The following TEPSIN variants were observed in gnomAD, a reference collection of about 807,000 sequenced individuals.
The protein encoded by TEPSIN is TEPSIN adaptor related protein complex 4 accessory protein, also known as AP-4 complex accessory subunit tepsin.
A neutral mutation model predicts 48.5 loss-of-function variants in TEPSIN; 50 were observed. The ratio of observed to expected loss-of-function variants is 1.03; its 90% CI spans 0.82 to 1.31. The LOEUF is 1.31. TEPSIN is among the 50% of genes most tolerant of loss of function. The pLI, the probability that TEPSIN is intolerant of heterozygous loss-of-function variation, is 0.00. For missense variants in TEPSIN, 838 were observed against 815.9 expected (o/e 1.03, Z -0.33); for synonymous variants, 392 against 358.8 (o/e 1.09, Z -1.05).
rs771245458 is a variant in TEPSIN at position 81,237,021 on chromosome 17, G to A, written c.172C>T (p.Leu58=). ...CCGGAGCTGCTGTGCAGGCGGCTCA[G>A]GAGGTACTCCAGCAGGCACTGGCTG... is the stretch of plus-strand genomic sequence containing the variant. ...GSSQCLLEYL[L]SRLHSSSGHG... The change falls in exon 3 of 13, where the codon CTG becomes TTG. Residue 58 remains leucine (L), a synonymous_variant. Transcript: ENST00000637944. 3 of 1,597,994 alleles carry A rather than the reference G, an allele frequency of 1.9e-6. No homozygotes were observed. The Admixed American group carries it at 5.1e-5, about 27-fold the overall frequency.
rs1324582660 is a variant in TEPSIN, at chr17:81,233,170, C to T, written c.526+262G>A. 1.8e-6 allele frequency: 1 copy of T among 562,040 alleles called. No individual in the cohort carries two copies. The highest frequency in any genetic ancestry group is 3.1e-5 in the East Asian group (1 of 32,384). 34.8% of individuals were successfully genotyped at this position (562,040 alleles called of 1,614,324 possible). On this transcript the variant is annotated intron_variant, in intron 7 of 12. Coordinates refer to ENST00000637944, the MANE Select transcript of TEPSIN (RefSeq NM_001363764.2). This position sits in a 1 kb window ranked among gnomAD's most constrained non-coding sequence, Gnocchi z 5.8. ...GGCCCCTCTCAGAGTGGGACTCACC[C>T]CTGCCACGGGGCCCAGCCCTGACTT...
Position 81,233,257 on chromosome 17 carries a change from CCCA to C in TEPSIN, c.526+172_526+174del. ...CAGCCCTGGCCACACCTGCCCCACC[CCCA>C]CGTCAGCAGCCAGAGAGAGACAGTG... On this transcript the variant is annotated intron_variant, in intron 7 of 12. Coordinates refer to ENST00000637944, the MANE Select transcript of TEPSIN (RefSeq NM_001363764.2). This position sits in a 1 kb window ranked among gnomAD's most constrained non-coding sequence, Gnocchi z 5.8. 1.3e-6 allele frequency: 1 copy of C among 753,290 alleles called. No individual in the cohort carries two copies. Among genetic ancestry groups the C allele is most frequent in the Non-Finnish European group, 2.1e-6 (1 of 477,304 alleles). The allele number at this position is 753,290 out of a possible 1,614,324, so 46.7% of individuals were successfully genotyped here. A position where few individuals can be genotyped will look rare whatever the true frequency, so the allele number is the denominator to read the frequency against.
chr17:81,234,071 C>T lies in TEPSIN; in HGVS notation c.308-23G>A, dbSNP rs564410667. The stretch of plus-strand genomic sequence containing the variant: ...AAGCTGCAGAACAGAAAAGGCAAGT[C>T]GGGGGCAGGGCTGAGCCTGGCACCG... On this transcript the variant is annotated intron_variant, in intron 4 of 12. Coordinates refer to ENST00000637944, the MANE Select transcript of TEPSIN (RefSeq NM_001363764.2). This position sits in a 1 kb window ranked among gnomAD's most constrained non-coding sequence, Gnocchi z 5.4. 74 of 1,570,480 alleles carry T rather than the reference C, an allele frequency of 4.7e-5. No homozygotes were observed. The highest frequency in any genetic ancestry group is 1.7e-4 in the Middle Eastern group (1 of 5,820).
chr17:81,233,856 C>A lies in TEPSIN; in HGVS notation c.375+125G>T. 1 of 1,369,832 alleles carries A rather than the reference C, an allele frequency of 7.3e-7. No homozygotes were observed. The highest frequency in any genetic ancestry group is 9.8e-7 in the Non-Finnish European group (1 of 1,016,372). 84.9% of individuals were successfully genotyped at this position (1,369,832 alleles called of 1,614,324 possible). A position where few individuals can be genotyped will look rare whatever the true frequency, so the allele number is the denominator to read the frequency against. On this transcript the variant is annotated intron_variant, in intron 5 of 12. Transcript: ENST00000637944. This position sits in a 1 kb window ranked among gnomAD's most constrained non-coding sequence, Gnocchi z 5.8. The stretch of plus-strand genomic sequence containing the variant: ...TGGACACAGGCTCTGTGTCCACCAG[C>A]AAGGAGCAGAGGCAGGGGTCCCGGA...
At chr17:81,236,574 G>A (rs981613330) in intron 4 of TEPSIN, 134 bp downstream of exon 4, 9 of 918,342 alleles carry the variant, frequency 9.8e-6, no homozygotes, top group Non-Finnish European at 1.5e-5. Flanking sequence ...GATCAGCAAG[G>A]CGGGGCTTTG....
In TEPSIN at chr17:81,237,385, A is replaced by G; in HGVS notation, c.121+2T>C. On this transcript the variant is annotated splice_donor_variant, in intron 2 of 12. Transcript: ENST00000637944. LOFTEE classifies it high-confidence loss of function. ...CTACACGGGGACATCAAGGAAGGAT[A>G]CTAGCAATCTCTTCAAACAGGTAGC... is the stretch of plus-strand genomic sequence containing the variant. 1 of 1,611,058 alleles carries G rather than the reference A, an allele frequency of 6.2e-7. No homozygotes were observed. Among genetic ancestry groups the G allele is most frequent in the Non-Finnish European group, 8.5e-7 (1 of 1,179,062 alleles).
chr17:81,237,850 G>A (rs1473856227), intron 1 of TEPSIN: 11 of 515,420 alleles, frequency 2.1e-5, no homozygotes, highest in Admixed American at 5.1e-5. Context: ...CCACACAGGG[G>A]ACTATGAATC....
At chr17:81,231,273 CCACA>C (rs1033975780) in intron 11 of TEPSIN, 121 bp downstream of exon 11, 23 of 1,034,198 alleles carry the variant, frequency 2.2e-5, no homozygotes, top group Admixed American at 7.7e-5. Flanking sequence ...GCACGCACAG[CCACA>C]CAGAGGAATG....
rs2062513761 is a variant in TEPSIN, at chr17:81,228,571, C to T, written c.*357G>A. 3 of 333,170 alleles carry T rather than the reference C, an allele frequency of 9.0e-6. No individual in the cohort carries two copies. Among genetic ancestry groups the T allele is most frequent in the Non-Finnish European group, 1.1e-5 (2 of 180,440 alleles). 20.6% of individuals were successfully genotyped at this position (333,170 alleles called of 1,614,324 possible). A position where few individuals can be genotyped will look rare whatever the true frequency, so the allele number is the denominator to read the frequency against. On this transcript the variant is annotated 3_prime_UTR_variant, in exon 13 of 13. Coordinates refer to ENST00000637944, the MANE Select transcript of TEPSIN (RefSeq NM_001363764.2). Reference sequence around the variant, plus strand: ...GGGGGAGCAGTGGCTTGTTGCTGCTCATGACCTCCTGGGGAAGGAGGGAGC... The same window carrying T: ...GGGGGAGCAGTGGCTTGTTGCTGCTTATGACCTCCTGGGGAAGGAGGGAGC...
rs1441384419 is a variant in TEPSIN, at chr17:81,231,616, G to T, written c.981C>A (p.Ala327=). ...LVRTVTRGPR[A]FLSREEAQHF... is the part of the protein sequence containing the mutation. ...GCTGTGCCTCCTCGCGGCTCAGGAAGGCGCGTGGTCCCCGAGTCACAGTCC... is the reference window on the plus strand; with the variant it reads ...GCTGTGCCTCCTCGCGGCTCAGGAATGCGCGTGGTCCCCGAGTCACAGTCC... Residue 327 remains alanine, a synonymous_variant, in exon 10 of 13, where the codon GCC becomes GCA. Transcript: ENST00000637944. 9 of 1,613,080 alleles carry T rather than the reference G, an allele frequency of 5.6e-6. No homozygotes were observed. The highest frequency in any genetic ancestry group is 7.6e-6 in the Non-Finnish European group (9 of 1,179,780).
intron 1 of TEPSIN, chr17:81,238,506 G>A (rs771653574): frequency 7.9e-5 from 50 of 633,406 alleles, no homozygotes; most frequent in Non-Finnish European, 9.5e-5. Flanking sequence ...TTACTAAGAG[G>A]GGCTTACAAT....
Position 81,231,434 on chromosome 17 carries a change from G to A in TEPSIN, c.1062C>T (p.Thr354=), listed in dbSNP as rs1268029842. Residue 354 remains threonine (T), a synonymous_variant, in exon 11 of 13, where the codon ACC becomes ACT. Coordinates refer to ENST00000637944, the MANE Select transcript of TEPSIN (RefSeq NM_001363764.2). ...LNCEAVLQLL[T]CHLRGTSECT... The stretch of plus-strand genomic sequence containing the variant: ...ATTCACTGGTCCCACGCAGGTGGCA[G>A]GTCAGCAGCTGCAGCACGGCCTCAC... 5.7e-6 allele frequency: 9 copies of A among 1,565,614 alleles called. No homozygotes were observed. The highest frequency in any genetic ancestry group is 7.8e-6 in the Non-Finnish European group (9 of 1,155,356).
In TEPSIN at chr17:81,230,666, C is replaced by A; in HGVS notation, c.1111G>T (p.Ala371Ser). 1.3e-6 allele frequency: 2 copies of A among 1,561,326 alleles called. No homozygotes were observed. Among genetic ancestry groups the A allele is most frequent in the South Asian group, 2.4e-5 (2 of 84,108 alleles). The change falls in exon 12 of 13, where the codon GCC becomes TCC. Residue 371 changes from alanine to serine, a missense_variant. Physicochemically the swap from Ala to Ser is moderately conservative, Grantham distance 99 (BLOSUM62 1). Coordinates refer to ENST00000637944, the MANE Select transcript of TEPSIN (RefSeq NM_001363764.2). This position sits in a 1 kb window ranked among gnomAD's most constrained non-coding sequence, Gnocchi z 4.2. ...TCGCTGCTCCCCAGGGAGGCGATGG[C>A]ACACAGCGCCCTCTGCGGGTGAAGG... ...SECTQLRALC[A>S]IASLGSSDLL...
In TEPSIN at chr17:81,234,104, C is replaced by G; in HGVS notation, c.308-56G>C. 2 of 1,464,582 alleles carry G rather than the reference C, an allele frequency of 1.4e-6. No individual in the cohort carries two copies. The highest frequency in any genetic ancestry group is 1.4e-5 in the African/African-American group (1 of 69,928). The allele number at this position is 1,464,582 out of a possible 1,614,324, so 90.7% of individuals were successfully genotyped here. A position where few individuals can be genotyped will look rare whatever the true frequency, so the allele number is the denominator to read the frequency against. ...GGGCTGAGCCTGGCACCGCTGCTCCCTGTGGAGCACGGTGCCCTGGGCCCA... is the reference window on the plus strand; with the variant it reads ...GGGCTGAGCCTGGCACCGCTGCTCCGTGTGGAGCACGGTGCCCTGGGCCCA... On this transcript the variant is annotated intron_variant, in intron 4 of 12. Coordinates refer to ENST00000637944, the MANE Select transcript of TEPSIN (RefSeq NM_001363764.2). This position sits in a 1 kb window ranked among gnomAD's most constrained non-coding sequence, Gnocchi z 5.4.
In TEPSIN at chr17:81,233,439, G is replaced by A; in HGVS notation, c.519C>T (p.Gly173=). 6.2e-7 allele frequency: 1 copy of A among 1,610,904 alleles called. No individual in the cohort carries two copies. Among genetic ancestry groups the A allele is most frequent in the Non-Finnish European group, 8.5e-7 (1 of 1,179,532 alleles). ...LQGFGYSKEH[G]RTGSAGEAFL... The stretch of plus-strand genomic sequence containing the variant: ...CAGGCCCTCCCCACTCACCCGTGCG[G>A]CCGTGTTCCTTGCTGTAGCCGAAAC... The change falls in exon 7 of 13, where the codon GGC becomes GGT. Residue 173 remains glycine (G), a synonymous_variant. Transcript: ENST00000637944. This position sits in a 1 kb window ranked among gnomAD's most constrained non-coding sequence, Gnocchi z 5.8.
rs757393993 is a variant in TEPSIN at position 81,233,981 on chromosome 17, C to T, written c.375G>A (p.Gln125=). 4 of 1,598,480 alleles carry T rather than the reference C, an allele frequency of 2.5e-6. No homozygotes were observed. Among genetic ancestry groups the T allele is most frequent in the Non-Finnish European group, 3.4e-6 (4 of 1,175,712 alleles). Residue 125 remains glutamine, a splice_region_variant and synonymous_variant, in exon 5 of 13, where the codon CAG becomes CAA. Transcript: ENST00000637944. The surrounding 1 kb of genome is among the most constrained non-coding windows in gnomAD (Gnocchi z 5.8). ...AGAGCGACACTGCTCCTGGGCTCAC[C>T]TGCGCGGCCGCGCGAACCTTCTGGT... ...SLYQKVRAAA[Q]DLGSTLFSDT...
intron 4 of TEPSIN, among the ~76,000 whole-genome samples, chr17:81,235,182 C>A (rs1044955058): frequency 2.6e-5 from 4 of 152,250 alleles, no homozygotes; most frequent in African/African-American, 7.2e-5. Context: ...GCCCTCTCAT[C>A]CTAAAACCAA....
rs1319164880 is a variant in TEPSIN, at chr17:81,233,550, CCTGCCCACGGAT to C, written c.455-59_455-48del. On this transcript the variant is annotated intron_variant, in intron 6 of 12. Transcript: ENST00000637944. The surrounding 1 kb of genome is among the most constrained non-coding windows in gnomAD (Gnocchi z 5.8). ...CAGCAAGCCGGCCCCCACCCTCGGC[CCTGCCCACGGAT>C]GGCACAGACACCCAGGACACTCAAG... 1.3e-6 allele frequency: 2 copies of C among 1,565,348 alleles called. No homozygotes were observed. The highest frequency in any genetic ancestry group is 1.7e-6 in the Non-Finnish European group (2 of 1,153,038).
At position 81,232,382 on chromosome 17, in the gene TEPSIN, C is replaced by A; in HGVS notation, c.663G>T (p.Met221Ile). The change falls in exon 8 of 13, where the codon ATG becomes ATT. Residue 221 changes from methionine (M) to isoleucine (I), a missense_variant. Coordinates refer to ENST00000637944, the MANE Select transcript of TEPSIN (RefSeq NM_001363764.2). ...PRGDTYQPAM[M>I]PSASHGPPTL... ...TTGGGGGACCGTGGCTGGCTGAAGGCATCATGGCAGGCTGGTAGGTGTCAC... is the reference window on the plus strand; with the variant it reads ...TTGGGGGACCGTGGCTGGCTGAAGGAATCATGGCAGGCTGGTAGGTGTCAC... The A allele has an allele frequency of 6.5e-7, 1 of 1,535,752 alleles. No individual in the cohort carries two copies. Among genetic ancestry groups the A allele is most frequent in the Admixed American group, 2.0e-5 (1 of 50,982 alleles).
Sources: gnomAD v4.1 joint callset for allele counts (sites outside exome capture counted in the v4.1 genomes callset) on GRCh38, gnomAD v4.1.1 for gene constraint, Gnocchi (gnomAD v3.1) non-coding constraint, MANE v1.5 for transcripts, NCBI Gene and HGNC (gene_info 2026-07-23, HGNC 2026-07-21) for gene names.